Variants in SPOCK1 observed in about 807,000 individuals in gnomAD.
SPOCK1 encodes the protein testican-1.
In SPOCK1, 23 loss-of-function variants were observed where a neutral mutation model predicts 55.3. The ratio of observed to expected loss-of-function variants is 0.42; its 90% CI spans 0.30 to 0.59. SPOCK1 has a LOEUF of 0.59. Ranked by LOEUF, SPOCK1 falls within the 20% of genes least tolerant of loss-of-function variation. The probability of loss-of-function intolerance (pLI) is 0.22; values close to 1 mark genes in which losing one functional copy is unlikely to be tolerated. For synonymous variants in SPOCK1, 226 were observed against 221.0 expected, an observed-to-expected ratio of 1.02 and a Z score of -0.20; for missense variants, 499 against 552.5, an observed-to-expected ratio of 0.90 and a Z score of 0.97.
intron 2 of SPOCK1, among the ~76,000 whole-genome samples, chr5:137,397,323 T>C (rs1055186427): frequency 6.6e-6 from 1 of 152,240 alleles, no homozygotes; most frequent in Non-Finnish European, 1.5e-5. Flanking sequence ...TGGATGCCAG[T>C]GGTGATGGAC....
intron 2 of SPOCK1, among the ~76,000 whole-genome samples, chr5:137,493,049 C>G (rs1030056213): frequency 6.6e-6 from 1 of 152,196 alleles, no homozygotes; most frequent in Non-Finnish European, 1.5e-5. Flanking sequence ...ATTACATAAT[C>G]TCTTACAGGA....
intron 2 of SPOCK1, among the ~76,000 whole-genome samples, chr5:137,362,204 T>C (rs1427133887): frequency 6.6e-6 from 1 of 152,040 alleles, no homozygotes; most frequent in African/African-American, 2.4e-5. Flanking sequence ...CAGAAGAAGG[T>C]CACTGCTTTA....
chr5:137,250,581 C>T (rs1352166615), intron 3 of SPOCK1, among the ~76,000 whole-genome samples: 1 of 152,182 alleles, frequency 6.6e-6, no homozygotes, highest in Non-Finnish European at 1.5e-5. Context: ...CAGCTACATC[C>T]TCCCCACTGC....
At chr5:137,375,260 C>T (rs547608620) in intron 2 of SPOCK1, among the ~76,000 whole-genome samples, 28 of 152,134 alleles carry the variant, frequency 1.8e-4, no homozygotes, top group Admixed American at 1.6e-3. Context: ...TGACAAACAA[C>T]GACTTCTAGA....
At chr5:137,214,964 G>C (rs376967658) in intron 3 of SPOCK1, among the ~76,000 whole-genome samples, 1 of 151,986 alleles carries the variant, frequency 6.6e-6, no homozygotes, top group South Asian at 2.1e-4. Context: ...TCCTTAATTG[G>C]GTGCAGACCA....
intron 3 of SPOCK1, among the ~76,000 whole-genome samples, chr5:137,247,107 T>C (rs1415064762): frequency 2.6e-5 from 4 of 151,786 alleles, no homozygotes; most frequent in Non-Finnish European, 5.9e-5. Context: ...TCAACCAGGG[T>C]AAAGAAGAAA....
At chr5:137,181,046 G>T (rs1754960780) in intron 3 of SPOCK1, among the ~76,000 whole-genome samples, 1 of 152,144 alleles carries the variant, frequency 6.6e-6, no homozygotes, top group Admixed American at 6.5e-5. Flanking sequence ...GGGCCTTCTA[G>T]TCTGGAGTTC....
intron 2 of SPOCK1, among the ~76,000 whole-genome samples, chr5:137,442,196 GT>G (rs1392009169): frequency 6.6e-5 from 10 of 152,212 alleles, no homozygotes; most frequent in Non-Finnish European, 1.3e-4. Context: ...TGTTTGAAAT[GT>G]TTTGGGTCAT....
intron 6 of SPOCK1, among the ~76,000 whole-genome samples, chr5:137,003,042 A>C (rs1158562687): frequency 6.6e-6 from 1 of 152,222 alleles, no homozygotes; most frequent in Non-Finnish European, 1.5e-5. Context: ...CCCACTTTGA[A>C]TAAAGTGATT....
chr5:137,383,307 A>G (rs1274660943), intron 2 of SPOCK1, among the ~76,000 whole-genome samples: 1 of 152,098 alleles, frequency 6.6e-6, no homozygotes, highest in Non-Finnish European at 1.5e-5. Context: ...TGGCAGCTCC[A>G]TTTGCCCTTC....
At chr5:137,133,604 G>A (rs977138892) in intron 4 of SPOCK1, among the ~76,000 whole-genome samples, 16 of 152,132 alleles carry the variant, frequency 1.1e-4, no homozygotes, top group African/African-American at 3.9e-4. Flanking sequence ...GAGGAGTTAA[G>A]TGGCTTGAGA....
intron 2 of SPOCK1, among the ~76,000 whole-genome samples, chr5:137,424,314 G>C (rs987253024): frequency 5.9e-5 from 9 of 152,184 alleles, no homozygotes; most frequent in Admixed American, 3.3e-4. Flanking sequence ...CCAGGAGTTT[G>C]AGGCTGCAGC....
At chr5:137,230,108 T>A (rs1166062116) in intron 3 of SPOCK1, among the ~76,000 whole-genome samples, 1 of 152,224 alleles carries the variant, frequency 6.6e-6, no homozygotes, top group Non-Finnish European at 1.5e-5. Flanking sequence ...GCTTGCCCCA[T>A]CTTTCTTTAT....
chr5:137,166,714 GT>G (rs1754654436), intron 3 of SPOCK1, among the ~76,000 whole-genome samples: 1 of 151,992 alleles, frequency 6.6e-6, no homozygotes, highest in African/African-American at 2.4e-5. Context: ...TTGTTTATTT[GT>G]TTGCTTATGC....
rs572364656 is a variant in SPOCK1 at position 137,217,677 on chromosome 5, T to C, written c.232+49333A>G. Among the ~76,000 whole-genome samples, 356 of 152,356 alleles carry C rather than the reference T, an allele frequency of 2.3e-3. 4 individuals carry two copies. Among genetic ancestry groups the C allele is most frequent in the Non-Finnish European group, 2.4e-3 (161 of 68,042 alleles). On this transcript the variant is annotated intron_variant, in intron 3 of 10. Transcript: ENST00000394945. ...AAGTAAGTACTCACTGTACTTCTTA[T>C]ATTAGTAAGAACAGCTTGATAACAT...
chr5:137,412,772 T>C (rs1752237446), intron 2 of SPOCK1, among the ~76,000 whole-genome samples: 1 of 152,182 alleles, frequency 6.6e-6, no homozygotes, highest in African/African-American at 2.4e-5. Flanking sequence ...GTGACAGAGA[T>C]GTTATTCTTC....
intron 2 of SPOCK1, among the ~76,000 whole-genome samples, chr5:137,403,936 G>A (rs188785171): frequency 3.3e-5 from 5 of 152,272 alleles, no homozygotes; most frequent in Non-Finnish European, 5.9e-5. Context: ...ATTTTCAAAG[G>A]CGCAGTCTGA....
At chr5:137,135,227 AATTTTCC>A (rs1753958387) in intron 4 of SPOCK1, among the ~76,000 whole-genome samples, 1 of 152,218 alleles carries the variant, frequency 6.6e-6, no homozygotes, top group African/African-American at 2.4e-5. Context: ...CAAATGCTTC[AATTTTCC>A]ATTCTCCAAA....
chr5:136,984,462 T>G (rs982301536), intron 9 of SPOCK1, among the ~76,000 whole-genome samples: 1 of 152,156 alleles, frequency 6.6e-6, no homozygotes, highest in Admixed American at 6.5e-5. Context: ...TCCTCCTTTC[T>G]TCAGCAAACC....
Sources: gnomAD v4.1 joint callset for allele counts (sites outside exome capture counted in the v4.1 genomes callset) on GRCh38, gnomAD v4.1.1 for gene constraint, MANE v1.5 for transcripts, NCBI Gene and HGNC (gene_info 2026-07-23, HGNC 2026-07-21) for gene names.